The following A2ML1 variants were observed in gnomAD, a reference collection of about 807,000 sequenced individuals.
The protein encoded by A2ML1 is alpha-2-macroglobulin-like protein 1.
A2ML1 carries 161 observed loss-of-function variants against 181.9 expected under a neutral mutation model. That is an observed-to-expected ratio of 0.89 (90% CI 0.78 to 1.01). A2ML1 has a LOEUF of 1.01. Ranked by LOEUF, A2ML1 falls within the 50% of genes least tolerant of loss-of-function variation. The pLI, the probability that A2ML1 is intolerant of heterozygous loss-of-function variation, is 0.00. For synonymous variants in A2ML1, 663 were observed against 666.8 expected (o/e 0.99, Z 0.09); for missense variants, 1,670 against 1,768.1 (o/e 0.94, Z 1.00).
intron 3 of A2ML1, 73 bp from the exon 4 acceptor site, chr12:8,829,654 C>CAAAAAAAAAAAA (rs778132993): frequency 1.1e-6 from 1 of 944,698 alleles, no homozygotes; most frequent in African/African-American, 2.2e-5. Context: ...GACCCTGTAT[C>CAAAAAAAAAAAA]AAAAAAAAAA....
Position 8,854,671 on chromosome 12 carries a change from T to A in A2ML1, c.2713-109T>A, listed in dbSNP as rs1318144241. ...AGTGAGAAGCTCTTGTCTGCAGTTCTGAGGGAAGCCCTGGGGGCACAGCGA... is the reference window on the plus strand; with the variant it reads ...AGTGAGAAGCTCTTGTCTGCAGTTCAGAGGGAAGCCCTGGGGGCACAGCGA... On this transcript the variant is annotated intron_variant, in intron 21 of 35. Coordinates refer to ENST00000299698, the MANE Select transcript of A2ML1 (RefSeq NM_144670.6). 2.5e-6 allele frequency: 3 copies of A among 1,201,456 alleles called. No individual in the cohort carries two copies. In the African/African-American group the frequency reaches 4.5e-5, roughly 18 times the overall value. 74.4% of individuals were successfully genotyped at this position (1,201,456 alleles called of 1,614,324 possible). A position where few individuals can be genotyped will look rare whatever the true frequency, so the allele number is the denominator to read the frequency against.
chr12:8,847,568 C>G lies in A2ML1; in HGVS notation c.1703C>G (p.Pro568Arg), dbSNP rs377555263. ...CCCCAGGTTTCCCTTGGCTTCTCCCCCTCCCAGCAGCTTCCAGGAGCAGAA... is the reference window on the plus strand; with the variant it reads ...CCCCAGGTTTCCCTTGGCTTCTCCCGCTCCCAGCAGCTTCCAGGAGCAGAA... Reference protein sequence around the residue: ...FDNQVSLGFSPSQQLPGAEVE... With the variant: ...FDNQVSLGFSRSQQLPGAEVE... The change falls in exon 15 of 36, where the codon CCC becomes CGC. Residue 568 changes from proline (P) to arginine (R), a missense_variant. By Grantham distance (103) the Pro-to-Arg change is moderately radical. Transcript: ENST00000299698. The G allele has an allele frequency of 4.4e-5, 71 of 1,611,940 alleles. No homozygotes were observed. The highest frequency in any genetic ancestry group is 5.5e-5 in the Non-Finnish European group (65 of 1,179,156).
intron 7 of A2ML1, among the ~76,000 whole-genome samples, chr12:8,884,741 C>T (rs753241111): frequency 3.3e-5 from 5 of 152,228 alleles, no homozygotes; most frequent in Admixed American, 2.0e-4. Flanking sequence ...TTAGTAGAGA[C>T]GAGGTTTCAC....
In A2ML1 at chr12:8,852,737, C is replaced by T. The variant is rs746184760; in HGVS notation, c.2590+401C>T. 5.9e-5 allele frequency among the ~76,000 whole-genome samples: 9 copies of T among 152,276 alleles called. No individual in the cohort carries two copies. Among genetic ancestry groups the T allele is most frequent in the South Asian group, 4.1e-4 (2 of 4,822 alleles). On this transcript the variant is annotated intron_variant, in intron 20 of 35. Transcript: ENST00000299698. This position sits in a 1 kb window ranked among gnomAD's most constrained non-coding sequence, Gnocchi z 4.2. ...TTTGAGAGGAAGTCTCGCTCTGTTG[C>T]GCAGGCTGGAGTGCAGTGGTGCAAT...
rs767951516 is a variant in A2ML1, at chr12:8,830,405, C to G, written c.462+626C>G. Reference sequence around the variant, plus strand: ...TTCAAGACCTTTTCTTCAGGACTGACAAAAGCATTTTTTTTTTTAAGGCAG... The same window carrying G: ...TTCAAGACCTTTTCTTCAGGACTGAGAAAAGCATTTTTTTTTTTAAGGCAG... On this transcript the variant is annotated intron_variant, in intron 4 of 35. Coordinates refer to ENST00000299698, the MANE Select transcript of A2ML1 (RefSeq NM_144670.6). 8.4e-3 allele frequency among the ~76,000 whole-genome samples: 600 copies of G among 71,362 alleles called. 2 individuals carry two copies. The highest frequency in any genetic ancestry group is 0.014 in the Non-Finnish European group (423 of 30,550). The allele number at this position is 71,362 out of a possible 152,430, so 46.8% of individuals were successfully genotyped here.
At chr12:8,884,168 G>C (rs1192771747) in intron 7 of A2ML1, among the ~76,000 whole-genome samples, 1 of 150,022 alleles carries the variant, frequency 6.7e-6, no homozygotes, top group Admixed American at 6.7e-5. Flanking sequence ...AAAAGGATCT[G>C]TTCAAGGCTT....
At chr12:8,843,721 C>CTTTT (rs756360339) in intron 12 of A2ML1, among the ~76,000 whole-genome samples, 1 of 133,608 alleles carries the variant, frequency 7.5e-6, no homozygotes, top group Non-Finnish European at 1.6e-5. Context: ...CTTTTTTTTT[C>CTTTT]TTTTTTTTTT....
intron 33 of A2ML1, among the ~76,000 whole-genome samples, chr12:8,871,985 C>G (rs1944639899): frequency 6.6e-6 from 1 of 152,000 alleles, no homozygotes; most frequent in Non-Finnish European, 1.5e-5. Flanking sequence ...CAAGACCATC[C>G]TGGCTAACAC....
At chr12:8,830,448 T>C (rs974621425) in intron 4 of A2ML1, among the ~76,000 whole-genome samples, 1 of 152,092 alleles carries the variant, frequency 6.6e-6, no homozygotes, top group Non-Finnish European at 1.5e-5. Flanking sequence ...AATGTCCGCT[T>C]CCACTCTGTT....
At position 8,838,400 on chromosome 12, in the gene A2ML1, C is replaced by T. The variant is rs189848036; in HGVS notation, c.920C>T (p.Ala307Val). Residue 307 changes from alanine (A) to valine (V), a missense_variant, in exon 9 of 36, where the codon GCG becomes GTG. Coordinates refer to ENST00000299698, the MANE Select transcript of A2ML1 (RefSeq NM_144670.6). ...DMATFDLIGY[A>V]YSHQINIVAT... Reference sequence around the variant, plus strand: ...GCCACCTTTGACCTCATTGGATATGCGTACAGCCATCAAATCAATATTGTG... The same window carrying T: ...GCCACCTTTGACCTCATTGGATATGTGTACAGCCATCAAATCAATATTGTG... The T allele has an allele frequency of 2.2e-5, 36 of 1,613,874 alleles. No individual in the cohort carries two copies. In the Admixed American group the frequency reaches 4.5e-4, roughly 20 times the overall value.
chr12:8,823,661 C>T, intron 2 of A2ML1, 59 bp from the exon 3 acceptor site: 1 of 1,562,120 alleles, frequency 6.4e-7, no homozygotes, highest in East Asian at 2.2e-5. Flanking sequence ...GGGTTGAGAC[C>T]AGTTGATTCT....
Position 8,857,994 on chromosome 12 carries a change from C to T in A2ML1, c.3156C>T (p.Ile1052=). Residue 1052 remains isoleucine, a synonymous_variant, in exon 26 of 36, where the codon ATC becomes ATT. Transcript: ENST00000299698. The stretch of plus-strand genomic sequence containing the variant: ...GCTTTGGCCAAGCTCAGAAATTCAT[C>T]TTCATTGATCCCAAGAACATCCAGG... ...TKCFGQAQKF[I]FIDPKNIQDA... 1 of 1,614,190 alleles carries T rather than the reference C, an allele frequency of 6.2e-7. No homozygotes were observed. Among genetic ancestry groups the T allele is most frequent in the Non-Finnish European group, 8.5e-7 (1 of 1,180,042 alleles).
rs926197497 is a variant in A2ML1, at chr12:8,829,785, T to C, written c.462+6T>C. 12 of 1,613,294 alleles carry C rather than the reference T, an allele frequency of 7.4e-6. No individual in the cohort carries two copies. Among genetic ancestry groups the C allele is most frequent in the Non-Finnish European group, 9.3e-6 (11 of 1,179,864 alleles). Reference sequence around the variant, plus strand: ...TCGTTCCAGTGAATGACAAGGTGAGTTGGGAGGAGGAGAAGGAGTGGCGCA... The same window carrying C: ...TCGTTCCAGTGAATGACAAGGTGAGCTGGGAGGAGGAGAAGGAGTGGCGCA... On this transcript the variant is annotated splice_donor_region_variant and intron_variant, in intron 4 of 35. Transcript: ENST00000299698.
chr12:8,847,423 A>G lies in A2ML1; in HGVS notation c.1684-126A>G, dbSNP rs967544625. The G allele has an allele frequency of 7.7e-6, 9 of 1,166,918 alleles. No individual in the cohort carries two copies. The African/African-American group carries it at 1.4e-4, about 18-fold the overall frequency. The allele number at this position is 1,166,918 out of a possible 1,614,324, so 72.3% of individuals were successfully genotyped here. On this transcript the variant is annotated intron_variant, in intron 14 of 35. Transcript: ENST00000299698. ...GAGCTAGACTTTACAAAGAAAGATA[A>G]GTACAAAAGTGAAAGAATGGGTTGG...
chr12:8,860,128 C>T (rs967712093), intron 26 of A2ML1, among the ~76,000 whole-genome samples: 1 of 152,068 alleles, frequency 6.6e-6, no homozygotes, highest in African/African-American at 2.4e-5. Flanking sequence ...GCAGCCTTGA[C>T]CTCCCCGGGC....
chr12:8,886,546 T>C (rs916940193), exon 8 of A2ML1: 1 of 152,192 alleles, frequency 6.6e-6, no homozygotes, highest in African/African-American at 2.4e-5. Flanking sequence ...GTGTGGTCCA[T>C]GAACAATGAC....
At chr12:8,847,321 T>C (rs1250704474) in intron 14 of A2ML1, among the ~76,000 whole-genome samples, 1 of 152,058 alleles carries the variant, frequency 6.6e-6, no homozygotes, top group Non-Finnish European at 1.5e-5. Flanking sequence ...TCTCTACTTT[T>C]TGTCTTCTAA....
intron 2 of A2ML1, 42 bp from the exon 3 acceptor site, chr12:8,823,678 C>G (rs1942823707): frequency 6.3e-7 from 1 of 1,593,646 alleles, no homozygotes; most frequent in Non-Finnish European, 8.5e-7. Flanking sequence ...TTCTGTTCCC[C>G]CAATCCCTTA....
intron 3 of A2ML1, among the ~76,000 whole-genome samples, chr12:8,824,221 G>GGTTT (rs1942847369): frequency 7.3e-6 from 1 of 136,366 alleles, no homozygotes; most frequent in African/African-American, 2.9e-5. Context: ...GAGCTACTGG[G>GGTTT]GTTTTTTTTT....
Sources: gnomAD v4.1 joint callset for allele counts (sites outside exome capture counted in the v4.1 genomes callset) on GRCh38, gnomAD v4.1.1 for gene constraint, Gnocchi (gnomAD v3.1) non-coding constraint, MANE v1.5 for transcripts, NCBI Gene and HGNC (gene_info 2026-07-23, HGNC 2026-07-21) for gene names.